RSBN1L: variants seen among roughly 807,000 people sequenced by gnomAD.
The protein encoded by RSBN1L is lysine-specific demethylase RSBN1L.
A neutral mutation model predicts 67.7 loss-of-function variants in RSBN1L; 30 were observed. The observed-to-expected ratio is 0.44, with a 90% CI of 0.33 to 0.60. RSBN1L has a LOEUF of 0.60. RSBN1L is among the 20% of genes least tolerant of loss of function. The pLI, the probability that RSBN1L is intolerant of heterozygous loss-of-function variation, is 0.02. For synonymous variants in RSBN1L, 433 were observed against 387.0 expected (o/e 1.12, Z -1.39); for missense variants, 992 against 1,031.7 (o/e 0.96, Z 0.53).
intron 1 of RSBN1L, among the ~76,000 whole-genome samples, chr7:77,725,834 C>T (rs1191722396): frequency 6.6e-6 from 1 of 150,494 alleles, no homozygotes; most frequent in Non-Finnish European, 1.5e-5. Flanking sequence ...AGGTCATCCG[C>T]CTGCCTCCCA....
At chr7:77,729,094 GT>G (rs1278086288) in intron 1 of RSBN1L, among the ~76,000 whole-genome samples, 10 of 152,262 alleles carry the variant, frequency 6.6e-5, no homozygotes, top group Admixed American at 6.5e-4. Flanking sequence ...GCTGTAGTCT[GT>G]TTTTTCCTTC....
chr7:77,709,202 A>T (rs965015003), intron 1 of RSBN1L, among the ~76,000 whole-genome samples: 3 of 128,114 alleles, frequency 2.3e-5, no homozygotes, highest in East Asian at 2.3e-4. Context: ...GTGTGTATGT[A>T]TGTGTATGTG....
intron 1 of RSBN1L, among the ~76,000 whole-genome samples, chr7:77,709,783 T>A (rs1272189636): frequency 6.6e-6 from 1 of 152,236 alleles, no homozygotes; most frequent in Non-Finnish European, 1.5e-5. Context: ...ATTGCCCTGG[T>A]ATTTTTCTAG....
chr7:77,735,335 CTCA>C (rs1305879893), intron 1 of RSBN1L, among the ~76,000 whole-genome samples: 3 of 152,006 alleles, frequency 2.0e-5, no homozygotes, highest in South Asian at 2.1e-4. Flanking sequence ...TGTAAAATAT[CTCA>C]TCATTTAAAA....
At chr7:77,767,331 A>G (rs913999567) in intron 4 of RSBN1L, among the ~76,000 whole-genome samples, 1 of 151,354 alleles carries the variant, frequency 6.6e-6, no homozygotes, top group Non-Finnish European at 1.5e-5. Flanking sequence ...TTCCATGGAC[A>G]GTGGCCCTCA....
intron 4 of RSBN1L, among the ~76,000 whole-genome samples, chr7:77,767,474 A>G (rs1791784527): frequency 6.6e-6 from 1 of 151,592 alleles, no homozygotes. Flanking sequence ...CTCAGGTTCA[A>G]GCAATTCTCA....
chr7:77,697,589 A>C (rs1790756634), intron 1 of RSBN1L, among the ~76,000 whole-genome samples: 1 of 152,066 alleles, frequency 6.6e-6, no homozygotes, highest in South Asian at 2.1e-4. Context: ...GGTAGCGTGC[A>C]GGGCCCGAAG....
At position 77,749,731 on chromosome 7, in the gene RSBN1L, C is replaced by G. The variant is rs1249488890; in HGVS notation, c.1011C>G (p.Leu337=). The part of the protein sequence containing the change: ...SLKEPRVQNN[L]KRLDTLEFKQ... ...AGGAGCCACGAGTTCAGAATAACCT[C>G]AAAAGGTTGGACACTTTGGAATTTA... The change falls in exon 3 of 8, where the codon CTC becomes CTG. Residue 337 remains leucine, a synonymous_variant. Transcript: ENST00000334955. The G allele has an allele frequency of 6.2e-7, 1 of 1,614,002 alleles. No homozygotes were observed. Among genetic ancestry groups the G allele is most frequent in the Non-Finnish European group, 8.5e-7 (1 of 1,179,994 alleles).
rs571843746 is a variant in RSBN1L at position 77,742,048 on chromosome 7, G to A, written c.703+5522G>A. Among the ~76,000 whole-genome samples, 126 of 151,890 alleles carry A rather than the reference G, an allele frequency of 8.3e-4. 1 individual carries two copies. The highest frequency in any genetic ancestry group is 2.9e-3 in the African/African-American group (122 of 41,416). Reference sequence around the variant, plus strand: ...GGCTATGATTTGTTATAGTGAAGGAGGACAGGCATGGTGGCTCACAGCTCT... The same window carrying A: ...GGCTATGATTTGTTATAGTGAAGGAAGACAGGCATGGTGGCTCACAGCTCT... On this transcript the variant is annotated intron_variant, in intron 2 of 7. Coordinates refer to ENST00000334955, the MANE Select transcript of RSBN1L (RefSeq NM_198467.3).
At position 77,749,968 on chromosome 7, in the gene RSBN1L, C is replaced by G; in HGVS notation, c.1248C>G (p.Asp416Glu). The change falls in exon 3 of 8, where the codon GAC becomes GAG. Residue 416 changes from aspartate to glutamate, a missense_variant. By Grantham distance (45) the Asp-to-Glu change is conservative. Around this residue, in one of 7 missense-constraint regions of RSBN1L, gnomAD observed 63 missense variants for 84.8 expected, o/e 0.74. Transcript: ENST00000334955. Reference sequence around the variant, plus strand: ...CTACTTATTTACCTGACTTTTTAGACTATTTTTCATTTAATTTTCCCAATT... The same window carrying G: ...CTACTTATTTACCTGACTTTTTAGAGTATTTTTCATTTAATTTTCCCAATT... Reference protein sequence around the residue: ...GAATYLPDFLDYFSFNFPNSP... With the variant: ...GAATYLPDFLEYFSFNFPNSP... The G allele has an allele frequency of 6.2e-7, 1 of 1,613,732 alleles. No homozygotes were observed. The highest frequency in any genetic ancestry group is 8.5e-7 in the Non-Finnish European group (1 of 1,179,738).
intron 1 of RSBN1L, among the ~76,000 whole-genome samples, chr7:77,710,480 T>C (rs1790957813): frequency 6.6e-6 from 1 of 152,218 alleles, no homozygotes; most frequent in Non-Finnish European, 1.5e-5. Flanking sequence ...AGCTAATGTC[T>C]GCTCATCTCT....
chr7:77,757,454 A>C (rs114356568), intron 3 of RSBN1L, among the ~76,000 whole-genome samples: 164 of 152,378 alleles, frequency 1.1e-3, no homozygotes, highest in Middle Eastern at 0.01. Context: ...CTGTATCATG[A>C]AAGTCCGTTT....
At chr7:77,764,916 C>G (rs1390974426) in intron 3 of RSBN1L, among the ~76,000 whole-genome samples, 1 of 152,126 alleles carries the variant, frequency 6.6e-6, no homozygotes, top group East Asian at 1.9e-4. Context: ...CAGGTGTGAG[C>G]CACTGCGCCC....
At chr7:77,745,759 A>T (rs1791473880) in intron 2 of RSBN1L, among the ~76,000 whole-genome samples, 1 of 152,220 alleles carries the variant, frequency 6.6e-6, no homozygotes, top group Admixed American at 6.5e-5. Context: ...ACATTATAAT[A>T]TGTAATGAAA....
intron 4 of RSBN1L, chr7:77,768,349 T>G (rs528474632): frequency 4.1e-5 from 8 of 196,128 alleles, no homozygotes; most frequent in Non-Finnish European, 7.2e-5. Context: ...CTTGCTTATT[T>G]AGTCCGTTAA....
At chr7:77,738,730 C>G (rs1394043901) in intron 2 of RSBN1L, among the ~76,000 whole-genome samples, 1 of 151,952 alleles carries the variant, frequency 6.6e-6, no homozygotes, top group Non-Finnish European at 1.5e-5. Flanking sequence ...GGTGGATCAC[C>G]TGAGGTCAAG....
At chr7:77,759,226 T>A (rs1224995424) in intron 3 of RSBN1L, among the ~76,000 whole-genome samples, 1 of 152,138 alleles carries the variant, frequency 6.6e-6, no homozygotes, top group East Asian at 1.9e-4. Flanking sequence ...GTACTAAATT[T>A]TCATTTTGAC....
rs183059290 is a variant in RSBN1L, at chr7:77,708,628, C to T, written c.586+11573C>T. Among the ~76,000 whole-genome samples the T allele has an allele frequency of 3.7e-4, 56 of 152,064 alleles. No homozygotes were observed. The East Asian group carries it at 8.1e-3, about 22-fold the overall frequency. On this transcript the variant is annotated intron_variant, in intron 1 of 7. Coordinates refer to ENST00000334955, the MANE Select transcript of RSBN1L (RefSeq NM_198467.3). ...CGATCTCCTGACCTTGTGATCCACC[C>T]GCCTCGACCTTCCAAAGTGCTGGGA...
intron 3 of RSBN1L, among the ~76,000 whole-genome samples, chr7:77,751,064 C>T (rs1003043388): frequency 6.6e-6 from 1 of 152,124 alleles, no homozygotes; most frequent in African/African-American, 2.4e-5. Flanking sequence ...GATGTTCAGT[C>T]ACATCCACAT....
Sources: gnomAD v4.1 joint callset for allele counts (sites outside exome capture counted in the v4.1 genomes callset) on GRCh38, gnomAD v4.1.1 for gene constraint, gnomAD v4.1.1 regional missense constraint, MANE v1.5 for transcripts, NCBI Gene and HGNC (gene_info 2026-07-23, HGNC 2026-07-21) for gene names.